The following ANKRD30A variants were observed in gnomAD, a reference collection of about 807,000 sequenced individuals.
ANKRD30A encodes the protein ankyrin repeat domain 30A, also known as ankyrin repeat domain-containing protein 30A.
ANKRD30A carries 170 observed loss-of-function variants against 166.3 expected under a neutral mutation model. The ratio of observed to expected loss-of-function variants is 1.02; its 90% CI spans 0.90 to 1.16. The LOEUF (loss-of-function observed/expected upper bound fraction) is 1.16. ANKRD30A is among the 50% of genes most tolerant of loss of function. The pLI is 0.00. For synonymous variants in ANKRD30A, 564 were observed against 508.9 expected (o/e 1.11, Z -1.46); for missense variants, 1,630 against 1,518.0 (o/e 1.07, Z -1.23).
Position 37,198,099 on chromosome 10 carries a change from G to A in ANKRD30A, c.2716+619G>A, listed in dbSNP as rs960686285. ...TTTCATGAAACTGTGATTCTGAAGT[G>A]TTTGGCTTTAGAGTCTTTTTACACT... On this transcript the variant is annotated intron_variant, in intron 29 of 35. Transcript: ENST00000361713. Among the ~76,000 whole-genome samples the A allele has an allele frequency of 1.2e-4, 19 of 152,228 alleles. No homozygotes were observed. In the East Asian group the frequency reaches 3.3e-3, roughly 26 times the overall value.
intron 25 of ANKRD30A, among the ~76,000 whole-genome samples, chr10:37,190,510 G>T (rs993966066): frequency 6.6e-6 from 1 of 151,806 alleles, no homozygotes; most frequent in Non-Finnish European, 1.5e-5. Context: ...AAAGGAAAGA[G>T]TTGGAAAAAA....
the ANKRD30A span, among the ~76,000 whole-genome samples, chr10:37,261,014 C>T: frequency 2.0e-5 from 3 of 152,018 alleles, no homozygotes; most frequent in Non-Finnish European, 4.4e-5. Flanking sequence ...TTTTAACAAA[C>T]TTGCACTTTA....
intron 25 of ANKRD30A, among the ~76,000 whole-genome samples, chr10:37,191,446 C>T (rs962651025): frequency 3.3e-5 from 5 of 151,850 alleles, no homozygotes; most frequent in East Asian, 1.9e-4. Context: ...GTTTGTAATG[C>T]AATGATATAA....
At chr10:37,242,652 T>C in the ANKRD30A span, among the ~76,000 whole-genome samples, 1 of 152,234 alleles carries the variant, frequency 6.6e-6, no homozygotes, top group Non-Finnish European at 1.5e-5. Flanking sequence ...ATGGCGTCAA[T>C]AGTGGCACTT....
intron 31 of ANKRD30A, among the ~76,000 whole-genome samples, chr10:37,215,807 T>G (rs1040623745): frequency 4.6e-5 from 7 of 151,542 alleles, no homozygotes; most frequent in Non-Finnish European, 1.0e-4. Context: ...ACACACTGGC[T>G]AAAATGCTTT....
intron 13 of ANKRD30A, among the ~76,000 whole-genome samples, chr10:37,158,080 T>A (rs1221406275): frequency 6.6e-6 from 1 of 152,186 alleles, no homozygotes. Context: ...ATACAACTTC[T>A]TTCCTTATAC....
chr10:37,191,571 T>C (rs933383038), intron 25 of ANKRD30A, among the ~76,000 whole-genome samples: 1 of 152,062 alleles, frequency 6.6e-6, no homozygotes, highest in Admixed American at 6.6e-5. Flanking sequence ...GTTTTCTCCT[T>C]ATCAGTCAGC....
intron 34 of ANKRD30A, among the ~76,000 whole-genome samples, chr10:37,230,264 T>C (rs756161089): frequency 2.0e-5 from 3 of 152,006 alleles, no homozygotes; most frequent in Admixed American, 2.0e-4. Context: ...AGAAAGTAAA[T>C]TAAGCTCATT....
Position 37,219,536 on chromosome 10 carries a change from G to A in ANKRD30A, c.3824G>A (p.Arg1275Lys). The A allele has an allele frequency of 6.2e-7, 1 of 1,610,262 alleles. No homozygotes were observed. Among genetic ancestry groups the A allele is most frequent in the South Asian group, 1.1e-5 (1 of 90,962 alleles). ...INLNYAGDAL[R>K]ENTLVSEHAQ... is the part of the protein sequence containing the mutation. ...CTCAATTATGCAGGAGATGCTCTAA[G>A]AGAAAATACATTGGTTTCAGAACAT... Residue 1275 changes from arginine (R) to lysine (K), a missense_variant, in exon 34 of 36, where the codon AGA becomes AAA. Coordinates refer to ENST00000361713, the MANE Select transcript of ANKRD30A (RefSeq NM_052997.3).
intron 7 of ANKRD30A, among the ~76,000 whole-genome samples, chr10:37,142,675 G>A (rs889904452): frequency 2.3e-5 from 3 of 132,482 alleles, no homozygotes; most frequent in Admixed American, 9.1e-5. Context: ...TACAACCTCC[G>A]CCTCCCAGGT....
At chr10:37,217,279 A>G (rs991772207) in intron 32 of ANKRD30A, among the ~76,000 whole-genome samples, 1 of 151,016 alleles carries the variant, frequency 6.6e-6, no homozygotes. Flanking sequence ...TGTCTAACAG[A>G]TCTGTAAACT....
chr10:37,210,114 G>A (rs1842209344), intron 31 of ANKRD30A, among the ~76,000 whole-genome samples: 1 of 151,374 alleles, frequency 6.6e-6, no homozygotes, highest in Admixed American at 6.6e-5. Flanking sequence ...CCCTCCCCCA[G>A]CCCCTCATCC....
intron 17 of ANKRD30A, among the ~76,000 whole-genome samples, chr10:37,164,875 T>G (rs1839184821): frequency 6.6e-6 from 1 of 152,050 alleles, no homozygotes; most frequent in Non-Finnish European, 1.5e-5. Flanking sequence ...CAAATTTCTA[T>G]TTTTCTGCAT....
intron 13 of ANKRD30A, among the ~76,000 whole-genome samples, chr10:37,157,094 AT>A (rs1217944752): frequency 4.6e-5 from 7 of 152,182 alleles, no homozygotes; most frequent in Non-Finnish European, 1.0e-4. Context: ...GTGATTAAAC[AT>A]GTTTGATTAA....
chr10:37,232,695 A>AGAGAGAGAGAGAGAGAGAG (rs1564604874), downstream of ANKRD30A: 10 of 10,842 alleles, frequency 9.2e-4, no homozygotes, highest in African/African-American at 2.4e-3. Context: ...TATATATATA[A>AGAGAGAGAGAGAGAGAGAG]ATAGAGAGAG....
At chr10:37,210,085 G>A (rs1174381694) in intron 31 of ANKRD30A, among the ~76,000 whole-genome samples, 1 of 151,960 alleles carries the variant, frequency 6.6e-6, no homozygotes, top group Non-Finnish European at 1.5e-5. Flanking sequence ...TCTACATTAG[G>A]TATTTCTCCT....
intron 11 of ANKRD30A, among the ~76,000 whole-genome samples, 162 bp from the exon 12 acceptor site, chr10:37,151,898 A>T (rs892760069): frequency 6.6e-6 from 1 of 152,100 alleles, no homozygotes; most frequent in African/African-American, 2.4e-5. Flanking sequence ...TTTCAATTCT[A>T]ATGGAATGAC....
At chr10:37,231,349 TG>T in intron 34 of ANKRD30A, 111 bp from the exon 35 acceptor site, 2 of 789,258 alleles carry the variant, frequency 2.5e-6, no homozygotes, top group Non-Finnish European at 1.9e-6. Context: ...CACGGCTTAA[TG>T]GGAAATGTTA....
chr10:37,249,024 G>A, the ANKRD30A span, among the ~76,000 whole-genome samples: 2 of 152,122 alleles, frequency 1.3e-5, no homozygotes, highest in African/African-American at 4.8e-5. Flanking sequence ...CAGTTCCAGT[G>A]CTACATGATG....
Sources: gnomAD v4.1 joint callset for allele counts (sites outside exome capture counted in the v4.1 genomes callset) on GRCh38, gnomAD v4.1.1 for gene constraint, MANE v1.5 for transcripts, NCBI Gene and HGNC (gene_info 2026-07-23, HGNC 2026-07-21) for gene names.